Variants in NXPE2 observed in about 807,000 individuals in gnomAD.
The protein encoded by NXPE2 is neurexophilin and PC-esterase domain family member 2, also known as NXPE family member 2.
A neutral mutation model predicts 34.4 loss-of-function variants in NXPE2; 34 were observed. The ratio of observed to expected loss-of-function variants is 0.99; its 90% confidence interval spans 0.75 to 1.31. The LOEUF (loss-of-function observed/expected upper bound fraction) is 1.31. Ranked by LOEUF, NXPE2 falls within the 40% of genes most tolerant of loss-of-function variation. The pLI, the probability that NXPE2 is intolerant of heterozygous loss-of-function variation, is 0.00. For synonymous variants in NXPE2, 235 were observed against 231.3 expected (o/e 1.02, Z -0.15); for missense variants, 649 against 672.5 (o/e 0.97, Z 0.39).
At chr11:114,565,513 A>T in the NXPE2 span, among the ~76,000 whole-genome samples, 1 of 152,232 alleles carries the variant, frequency 6.6e-6, no homozygotes, top group East Asian at 1.9e-4. Flanking sequence ...TACTGTGAGT[A>T]GAACAGGTAA....
the NXPE2 span, among the ~76,000 whole-genome samples, chr11:114,616,846 A>T: frequency 6.6e-6 from 1 of 151,836 alleles, no homozygotes; most frequent in Non-Finnish European, 1.5e-5. Context: ...CCAGTAGATA[A>T]TAAATATTGC....
chr11:114,601,537 A>G, the NXPE2 span, among the ~76,000 whole-genome samples: 1,753 of 81,902 alleles, frequency 0.021, 17 homozygotes, highest in Admixed American at 0.035. Context: ...ATTATATATA[A>G]TATATATTAT....
the NXPE2 span, among the ~76,000 whole-genome samples, chr11:114,660,385 A>G: frequency 6.6e-6 from 1 of 152,074 alleles, no homozygotes; most frequent in Admixed American, 6.6e-5. Flanking sequence ...AATTAAATTT[A>G]GCAATTTATA....
the NXPE2 span, among the ~76,000 whole-genome samples, chr11:114,744,012 G>A: frequency 1.3e-5 from 2 of 151,864 alleles, no homozygotes; most frequent in Non-Finnish European, 2.9e-5. Context: ...CTTTCTTTGT[G>A]TCTATGGATT....
the NXPE2 span, among the ~76,000 whole-genome samples, chr11:114,495,287 G>A: frequency 1.9e-4 from 29 of 152,070 alleles, no homozygotes; most frequent in Admixed American, 1.1e-3. Context: ...CCAGGCTTAC[G>A]TCCTTCCTCA....
the NXPE2 span, among the ~76,000 whole-genome samples, chr11:114,646,000 T>G: frequency 6.6e-6 from 1 of 152,132 alleles, no homozygotes; most frequent in Non-Finnish European, 1.5e-5. Flanking sequence ...TATCTATTGG[T>G]TAGTACTTCA....
chr11:114,626,797 G>T, the NXPE2 span, among the ~76,000 whole-genome samples: 1 of 152,100 alleles, frequency 6.6e-6, no homozygotes, highest in East Asian at 1.9e-4. Context: ...TGTATAACTA[G>T]AATAACCAAT....
At chr11:114,686,388 G>A (rs576289761) in intron 2 of NXPE2, among the ~76,000 whole-genome samples, 1 of 152,194 alleles carries the variant, frequency 6.6e-6, no homozygotes, top group Non-Finnish European at 1.5e-5. Context: ...CTGTTTCTGT[G>A]TTAATTCATT....
chr11:114,704,227 T>A (rs918287628), intron 4 of NXPE2, among the ~76,000 whole-genome samples, 175 bp downstream of exon 4: 1 of 152,208 alleles, frequency 6.6e-6, no homozygotes, highest in Non-Finnish European at 1.5e-5. Flanking sequence ...TATTTTCATA[T>A]CGATTTAAAC....
In NXPE2 at chr11:114,705,793, TA is replaced by T; in HGVS notation, c.947del (p.Lys316ArgfsTer7). The T allele has an allele frequency of 6.8e-7, 1 of 1,471,026 alleles. No homozygotes were observed. The highest frequency in any genetic ancestry group is 1.5e-5 in the African/African-American group (1 of 68,740). 91.1% of individuals were successfully genotyped at this position (1,471,026 alleles called of 1,614,324 possible). ...TTTGTATTGCCAGAGAGCGAGAACA[TA>T]AAAAAGAACTGCCAGATTGGAATGA... ...EVIPCNKSEN[I>X]KKNCQIGMKT... On this transcript the variant is annotated frameshift_variant, in exon 5 of 6. Transcript: ENST00000389586. LOFTEE classifies it high-confidence loss of function.
the NXPE2 span, among the ~76,000 whole-genome samples, chr11:114,524,109 AT>A: frequency 6.6e-6 from 1 of 152,154 alleles, no homozygotes; most frequent in Non-Finnish European, 1.5e-5. Context: ...CTGTTCTCAC[AT>A]TATATCTAAA....
chr11:114,641,721 C>G, the NXPE2 span, among the ~76,000 whole-genome samples: 1 of 152,046 alleles, frequency 6.6e-6, no homozygotes, highest in Admixed American at 6.6e-5. Flanking sequence ...AAACCTAACT[C>G]TTAGAGCACA....
At chr11:114,759,386 T>G in the NXPE2 span, among the ~76,000 whole-genome samples, 1 of 152,184 alleles carries the variant, frequency 6.6e-6, no homozygotes, top group East Asian at 1.9e-4. Context: ...ATGGGGATAA[T>G]AATAATATTC....
At chr11:114,546,958 G>A in the NXPE2 span, among the ~76,000 whole-genome samples, 3,178 of 152,276 alleles carry the variant, frequency 0.021, 118 homozygotes, top group African/African-American at 0.073. Context: ...TCACACTGAT[G>A]TAAATGAATG....
At chr11:114,538,210 A>G in the NXPE2 span, among the ~76,000 whole-genome samples, 1 of 152,236 alleles carries the variant, frequency 6.6e-6, no homozygotes, top group Non-Finnish European at 1.5e-5. Flanking sequence ...TGGTGCTGGG[A>G]AAATTGGCTA....
chr11:114,554,038 C>A, the NXPE2 span: 1 of 985,432 alleles, frequency 1.0e-6, no homozygotes, highest in Non-Finnish European at 1.2e-6. Context: ...TCTACTTTTT[C>A]TTCTCCCCAT....
the NXPE2 span, among the ~76,000 whole-genome samples, chr11:114,733,635 A>T: frequency 6.6e-6 from 1 of 152,160 alleles, no homozygotes; most frequent in African/African-American, 2.4e-5. Flanking sequence ...ACTTGTGTTC[A>T]TAATTTTAGC....
At chr11:114,572,868 G>A in the NXPE2 span, among the ~76,000 whole-genome samples, 2 of 152,092 alleles carry the variant, frequency 1.3e-5, no homozygotes, top group Admixed American at 1.3e-4. Context: ...AAGAACACCT[G>A]GGAAATTCAT....
At chr11:114,537,106 G>C in the NXPE2 span, among the ~76,000 whole-genome samples, 79 of 152,088 alleles carry the variant, frequency 5.2e-4, no homozygotes, top group Non-Finnish European at 9.1e-4. Flanking sequence ...TTCAACCCTG[G>C]GATGCAAGGC....
Sources: allele counts gnomAD v4.1 joint callset (sites outside exome capture counted in the v4.1 genomes callset), GRCh38; gene constraint gnomAD v4.1.1; transcripts MANE v1.5; gene names NCBI Gene and HGNC (gene_info 2026-07-23, HGNC 2026-07-21).